Variants in MALRD1 observed in about 807,000 individuals in gnomAD.
MALRD1 encodes MAM and LDL-receptor class A domain-containing protein 1.
A neutral mutation model predicts 242.1 loss-of-function variants in MALRD1; 247 were observed. The ratio of observed to expected loss-of-function variants is 1.02; its 90% CI spans 0.92 to 1.13. The LOEUF (loss-of-function observed/expected upper bound fraction) is 1.13. MALRD1 is among the 50% of genes most tolerant of loss of function. The probability of loss-of-function intolerance (pLI) is 0.00; values close to 1 mark genes in which losing one functional copy is unlikely to be tolerated. For missense variants in MALRD1, 2,989 were observed against 2,533.1 expected, an observed-to-expected ratio of 1.18 and a Z score of -3.86; for synonymous variants, 995 against 866.6, an observed-to-expected ratio of 1.15 and a Z score of -2.60.
rs1368101008 is a variant in MALRD1 at position 19,531,252 on chromosome 10, C to G, written c.5379C>G (p.Ala1793=). 1.9e-6 allele frequency: 3 copies of G among 1,550,444 alleles called. No homozygotes were observed. In the African/African-American group the frequency reaches 4.1e-5, roughly 21 times the overall value. ...NSSGSKEGSV[A]RITTSKSFPA... ...CTGGCTCCAAGGAAGGATCCGTTGCCAGAATTACTACTTCCAAATCCTTCC... is the reference window on the plus strand; with the variant it reads ...CTGGCTCCAAGGAAGGATCCGTTGCGAGAATTACTACTTCCAAATCCTTCC... Residue 1793 remains alanine (A), a synonymous_variant, in exon 32 of 40, where the codon GCC becomes GCG. Coordinates refer to ENST00000454679, the MANE Select transcript of MALRD1 (RefSeq NM_001142308.3).
At chr10:19,689,892 C>T (rs779038745) in intron 36 of MALRD1, among the ~76,000 whole-genome samples, 5 of 152,008 alleles carry the variant, frequency 3.3e-5, no homozygotes, top group South Asian at 2.1e-4. Flanking sequence ...GACTTACTGA[C>T]TAAAATTTTT....
chr10:19,063,114 C>A (rs1834870447), intron 1 of MALRD1, among the ~76,000 whole-genome samples: 1 of 151,944 alleles, frequency 6.6e-6, no homozygotes, highest in Non-Finnish European at 1.5e-5. Flanking sequence ...CCATCACACT[C>A]CAGCCTAGGT....
At chr10:19,605,672 G>A (rs999009398) in intron 34 of MALRD1, among the ~76,000 whole-genome samples, 2 of 151,558 alleles carry the variant, frequency 1.3e-5, no homozygotes, top group African/African-American at 4.9e-5. Context: ...TCAATATTCT[G>A]GTCTTGACCT....
intron 34 of MALRD1, among the ~76,000 whole-genome samples, chr10:19,602,717 G>A (rs1838418629): frequency 6.6e-6 from 1 of 152,074 alleles, no homozygotes; most frequent in South Asian, 2.1e-4. Flanking sequence ...ACACAGTAAT[G>A]GGATGGCTGG....
intron 19 of MALRD1, among the ~76,000 whole-genome samples, chr10:19,271,433 C>A (rs1414482355): frequency 6.6e-6 from 1 of 152,290 alleles, no homozygotes; most frequent in African/African-American, 2.4e-5. Flanking sequence ...AAAAGGACCT[C>A]CCTGATGTTT....
intron 34 of MALRD1, among the ~76,000 whole-genome samples, chr10:19,599,690 A>C (rs1838261863): frequency 6.6e-6 from 1 of 152,158 alleles, no homozygotes; most frequent in South Asian, 2.1e-4. Context: ...ATGCATAGCA[A>C]AGCCATAAGG....
At chr10:19,616,150 A>G (rs1839146558) in intron 36 of MALRD1, among the ~76,000 whole-genome samples, 1 of 151,996 alleles carries the variant, frequency 6.6e-6, no homozygotes, top group African/African-American at 2.4e-5. Context: ...TCAACATTTT[A>G]TATGTGTAAT....
intron 13 of MALRD1, 65 bp from the exon 14 acceptor site, chr10:19,175,143 A>G (rs1835176104): frequency 8.7e-7 from 1 of 1,150,318 alleles, no homozygotes; most frequent in Non-Finnish European, 1.1e-6. Flanking sequence ...TACACAAAGA[A>G]ATATGATTGT....
At chr10:19,477,346 T>G (rs945946626) in intron 29 of MALRD1, among the ~76,000 whole-genome samples, 4 of 152,154 alleles carry the variant, frequency 2.6e-5, no homozygotes, top group African/African-American at 7.2e-5. Flanking sequence ...AGATCCAAAG[T>G]AATTGAATGA....
chr10:19,402,600 A>G (rs1234908040), intron 28 of MALRD1, among the ~76,000 whole-genome samples: 3 of 152,142 alleles, frequency 2.0e-5, no homozygotes, highest in Non-Finnish European at 4.4e-5. Context: ...GTATGTCTTT[A>G]TTAGCAGCAT....
chr10:19,683,545 C>G (rs1336364243), intron 36 of MALRD1, among the ~76,000 whole-genome samples: 2 of 152,218 alleles, frequency 1.3e-5, no homozygotes, highest in Non-Finnish European at 2.9e-5. Context: ...CTAGCTTGAA[C>G]TCCAGGTGCC....
In MALRD1 at chr10:19,650,158, G is replaced by A. The variant is rs1840803866; in HGVS notation, c.6137+34235G>A. On this transcript the variant is annotated intron_variant, in intron 36 of 39. Coordinates refer to ENST00000454679, the MANE Select transcript of MALRD1 (RefSeq NM_001142308.3). ...TTGGACTGAAAATTTTCCTGAGTAG[G>A]ATTAGCAGATTACAGATGGCAGAAT... Among the ~76,000 whole-genome samples, 3 of 152,144 alleles carry A rather than the reference G, an allele frequency of 2.0e-5. No individual in the cohort carries two copies. The South Asian group carries it at 6.2e-4, about 32-fold the overall frequency.
chr10:19,159,508 G>A lies in MALRD1; in HGVS notation c.1656+4336G>A, dbSNP rs74118807. Among the ~76,000 whole-genome samples the A allele has an allele frequency of 9.5e-3, 1,450 of 152,096 alleles. 21 individuals are homozygous for A. The highest frequency in any genetic ancestry group is 0.032 in the African/African-American group (1,309 of 41,458). On this transcript the variant is annotated intron_variant, in intron 12 of 39. Coordinates refer to ENST00000454679, the MANE Select transcript of MALRD1 (RefSeq NM_001142308.3). ...GTGGCTGAGGGTTTGGAGTAAAATCGAGAATGGCCATGAAGATTTGACCAA... is the reference window on the plus strand; with the variant it reads ...GTGGCTGAGGGTTTGGAGTAAAATCAAGAATGGCCATGAAGATTTGACCAA...
At chr10:19,489,029 T>G (rs1288760658) in intron 29 of MALRD1, 7 of 456,690 alleles carry the variant, frequency 1.5e-5, no homozygotes, top group African/African-American at 4.0e-5. Context: ...CCGCCAGGGG[T>G]CTCAGCAGCT....
At chr10:19,530,963 C>G (rs1303885987) in intron 31 of MALRD1, among the ~76,000 whole-genome samples, 1 of 151,478 alleles carries the variant, frequency 6.6e-6, no homozygotes, top group East Asian at 1.9e-4. Flanking sequence ...TATTTGATTA[C>G]TTTATTAGTC....
intron 38 of MALRD1, among the ~76,000 whole-genome samples, chr10:19,693,540 A>G (rs1208995171): frequency 4.6e-5 from 7 of 152,214 alleles, no homozygotes; most frequent in South Asian, 2.1e-4. Flanking sequence ...ACCTCTTCAA[A>G]GAGAACTACA....
At chr10:19,566,265 G>C (rs912969482) in intron 32 of MALRD1, among the ~76,000 whole-genome samples, 2 of 150,748 alleles carry the variant, frequency 1.3e-5, no homozygotes, top group African/African-American at 4.9e-5. Context: ...AGTAGTAGCT[G>C]GGACTACGGG....
intron 31 of MALRD1, among the ~76,000 whole-genome samples, chr10:19,521,013 G>C (rs1456845746): frequency 2.0e-5 from 3 of 152,076 alleles, no homozygotes; most frequent in Non-Finnish European, 4.4e-5. Flanking sequence ...AATGATGCTT[G>C]CTTGCTTGCG....
chr10:19,408,952 C>A (rs921698704), intron 28 of MALRD1, among the ~76,000 whole-genome samples: 2 of 152,096 alleles, frequency 1.3e-5, no homozygotes, highest in Non-Finnish European at 2.9e-5. Flanking sequence ...GTTGTTTATC[C>A]CAGAGAAATG....
Sources: allele counts gnomAD v4.1 joint callset (sites outside exome capture counted in the v4.1 genomes callset), GRCh38; gene constraint gnomAD v4.1.1; transcripts MANE v1.5; gene names NCBI Gene and HGNC (gene_info 2026-07-23, HGNC 2026-07-21).